The following GPC3 variants were observed in gnomAD, a reference collection of about 807,000 sequenced individuals.
GPC3 encodes glypican-3.
A neutral mutation model predicts 34.4 loss-of-function variants in GPC3; 3 were observed. That is an observed-to-expected ratio of 0.09 (90% CI 0.04 to 0.23). The LOEUF (loss-of-function observed/expected upper bound fraction) is 0.23, where lower values mean the gene tolerates loss of function less well. GPC3 is among the 10% of genes least tolerant of loss of function. GPC3 has a pLI of 1.00. For synonymous variants in GPC3, 177 were observed against 174.0 expected (o/e 1.02, Z -0.13); for missense variants, 351 against 445.6 (o/e 0.79, Z 1.91).
chrX:133,907,472 C>A (rs1309320350), intron 2 of GPC3, among the ~76,000 whole-genome samples: 1 of 111,115 alleles, frequency 9.0e-6, no homozygotes, highest in African/African-American at 3.3e-5. Context: ...AATAATTGAT[C>A]ATCTCACCAC....
intron 6 of GPC3, among the ~76,000 whole-genome samples, chrX:133,601,915 G>A (rs191904024): frequency 8.0e-5 from 9 of 111,985 alleles, no homozygotes; most frequent in Non-Finnish European, 1.5e-4. Context: ...CCACTACTGG[G>A]TAGTTATTCA....
intron 2 of GPC3, among the ~76,000 whole-genome samples, chrX:133,897,067 C>T (rs1206748659): frequency 2.7e-5 from 3 of 109,335 alleles, no homozygotes; most frequent in South Asian, 4.1e-4. Context: ...CAACCACGCC[C>T]AGCTAATTTT....
At chrX:133,813,211 A>C (rs1227686963) in intron 2 of GPC3, among the ~76,000 whole-genome samples, 1 of 112,602 alleles carries the variant, frequency 8.9e-6, no homozygotes, top group Non-Finnish European at 1.9e-5. Flanking sequence ...CCCTAACACT[A>C]GGCCTACAAA....
At chrX:133,552,259 TGA>T (rs1280258071) in intron 7 of GPC3, among the ~76,000 whole-genome samples, 1 of 112,102 alleles carries the variant, frequency 8.9e-6, no homozygotes, top group African/African-American at 3.2e-5. Flanking sequence ...ATTCAGGTCT[TGA>T]GAGGTCTCAT....
intron 5 of GPC3, among the ~76,000 whole-genome samples, chrX:133,687,718 G>A (rs892245057): frequency 3.6e-5 from 4 of 111,287 alleles, no homozygotes; most frequent in South Asian, 3.8e-4. Context: ...GAGCCACCAC[G>A]CCTGGCCTAT....
chrX:133,726,612 C>T (rs1211916189), intron 3 of GPC3, among the ~76,000 whole-genome samples: 1 of 111,296 alleles, frequency 9.0e-6, no homozygotes, highest in Non-Finnish European at 1.9e-5. Flanking sequence ...CAGGCAGTCA[C>T]TCTCTTATTA....
chrX:133,671,032 A>G lies in GPC3; in HGVS notation c.1293-9182T>C. 11 of 552,447 alleles carry G rather than the reference A, an allele frequency of 2.0e-5. 1 individual carries two copies. Among genetic ancestry groups the G allele is most frequent in the Non-Finnish European group, 2.6e-5 (8 of 306,766 alleles). 45.5% of individuals were successfully genotyped at this position (552,447 alleles called of 1,213,427 possible). On this transcript the variant is annotated intron_variant, in intron 5 of 7. Transcript: ENST00000370818. ...ATGACCAACCGACTACTTCAGGGGAAACAAATGGTCATTGATGTCCTTGAC... is the reference window on the plus strand; with the variant it reads ...ATGACCAACCGACTACTTCAGGGGAGACAAATGGTCATTGATGTCCTTGAC...
intron 3 of GPC3, among the ~76,000 whole-genome samples, chrX:133,711,967 T>C (rs2071272921): frequency 8.9e-6 from 1 of 112,498 alleles, no homozygotes; most frequent in Non-Finnish European, 1.9e-5. Context: ...GAAAAAATTT[T>C]GTAGTCTTGT....
intron 2 of GPC3, among the ~76,000 whole-genome samples, chrX:133,892,086 T>G (rs928170417): frequency 1.8e-5 from 2 of 110,850 alleles, no homozygotes; most frequent in Admixed American, 9.7e-5. Flanking sequence ...TGCAGAGTAT[T>G]TCCTAGCCCA....
At chrX:133,935,336 C>T (rs1350268757) in intron 2 of GPC3, among the ~76,000 whole-genome samples, 1 of 111,941 alleles carries the variant, frequency 8.9e-6, no homozygotes, top group Non-Finnish European at 1.9e-5. Flanking sequence ...ACAGTTTCAC[C>T]GTCTGTATTA....
chrX:133,706,107 C>T (rs755990955), intron 3 of GPC3, among the ~76,000 whole-genome samples: 43 of 111,977 alleles, frequency 3.8e-4, no homozygotes, highest in Non-Finnish European at 4.7e-4. Context: ...AGTTGACTCC[C>T]TATTCAATAA....
chrX:133,596,463 T>C lies in GPC3; in HGVS notation c.1550A>G (p.Lys517Arg), dbSNP rs758464784. ...ACCTGCAAGGAAGCGGAGCTGATTC[T>C]TCACTTTTATCATTCCATCACCAGA... ...GGSGDGMIKV[K>R]NQLRFLAELA... The change falls in exon 7 of 8, where the codon AAG becomes AGG. Residue 517 changes from lysine to arginine, a missense_variant. Transcript: ENST00000370818. The C allele has an allele frequency of 1.7e-6, 2 of 1,208,684 alleles. No individual in the cohort carries two copies. The highest frequency in any genetic ancestry group is 5.9e-5 in the East Asian group (2 of 33,744).
At chrX:133,641,977 C>A (rs765398985) in intron 6 of GPC3, among the ~76,000 whole-genome samples, 1 of 111,939 alleles carries the variant, frequency 8.9e-6, no homozygotes, top group Non-Finnish European at 1.9e-5. Flanking sequence ...ATAGAGCCTG[C>A]ATGCTACATT....
At chrX:133,810,861 C>A (rs867512142) in intron 2 of GPC3, among the ~76,000 whole-genome samples, 148 of 60,877 alleles carry the variant, frequency 2.4e-3, no homozygotes, top group African/African-American at 5.4e-3. Context: ...GACTCCGTCT[C>A]AAAAAAAAAA....
At chrX:133,942,504 C>T (rs868792644) in intron 2 of GPC3, among the ~76,000 whole-genome samples, 6 of 111,464 alleles carry the variant, frequency 5.4e-5, no homozygotes, top group African/African-American at 2.0e-4. Context: ...GGAAAGATGG[C>T]TATATGAAAA....
intron 2 of GPC3, among the ~76,000 whole-genome samples, chrX:133,914,492 A>G (rs1186002840): frequency 9.0e-6 from 1 of 110,923 alleles, no homozygotes; most frequent in Non-Finnish European, 1.9e-5. Flanking sequence ...TCGGTTTGCA[A>G]CTGGTTAAGA....
chrX:133,536,226 G>A lies in GPC3; in HGVS notation c.1641C>T (p.Asn547=), dbSNP rs772217919. The A allele has an allele frequency of 9.2e-6, 11 of 1,200,107 alleles. No individual in the cohort carries two copies. In the South Asian group the frequency reaches 1.1e-4, roughly 12 times the overall value. The change falls in exon 8 of 8, where the codon AAC becomes AAT. Residue 547 remains asparagine, a synonymous_variant. Transcript: ENST00000370818. ...CGAGGTTGTGAAAGGTGCTTATCTC[G>A]TTGTCCTTCGGAGTTGCCTGCTGAC... The part of the protein sequence containing the change: ...GNSQQATPKD[N]EISTFHNLGN...
intron 6 of GPC3, among the ~76,000 whole-genome samples, chrX:133,640,271 A>G (rs2070467994): frequency 8.9e-6 from 1 of 111,939 alleles, no homozygotes; most frequent in South Asian, 3.8e-4. Context: ...TAACACAGAC[A>G]GAATTACCTG....
intron 2 of GPC3, among the ~76,000 whole-genome samples, chrX:133,926,353 G>A (rs1440187019): frequency 1.8e-5 from 2 of 111,872 alleles, no homozygotes; most frequent in African/African-American, 6.5e-5. Context: ...GGGTGGCTGA[G>A]ATGTTTGTAA....
Sources: gnomAD v4.1 joint callset for allele counts (sites outside exome capture counted in the v4.1 genomes callset) on GRCh38, gnomAD v4.1.1 for gene constraint, MANE v1.5 for transcripts, NCBI Gene and HGNC (gene_info 2026-07-23, HGNC 2026-07-21) for gene names.